Variants in INTS6 observed in about 807,000 individuals in gnomAD.
INTS6 encodes integrator complex subunit 6.
INTS6 carries 16 observed loss-of-function variants against 104.9 expected under a neutral mutation model. The observed-to-expected ratio is 0.15, with a 90% CI of 0.10 to 0.23. The LOEUF (loss-of-function observed/expected upper bound fraction) is 0.23, where lower values mean the gene tolerates loss of function less well. INTS6 is among the 10% of genes least tolerant of loss of function. The pLI, the probability that INTS6 is intolerant of heterozygous loss-of-function variation, is 1.00. For missense variants in INTS6, 584 were observed against 1,062.8 expected (o/e 0.55, Z 6.26); for synonymous variants, 324 against 358.7 (o/e 0.90, Z 1.09).
intron 7 of INTS6, chr13:51,385,007 C>T (rs1225944061): frequency 4.8e-6 from 1 of 208,046 alleles, no homozygotes; most frequent in African/African-American, 2.4e-5. Context: ...AACAGCCAAT[C>T]ACCTAAAAAT....
chr13:51,428,343 G>A (rs1247657335), intron 4 of INTS6, among the ~76,000 whole-genome samples: 1 of 62,130 alleles, frequency 1.6e-5, no homozygotes, highest in Non-Finnish European at 3.2e-5. Context: ...TTTTTTTTTT[G>A]AGACGGAGTC....
chr13:51,447,605 TC>T (rs1952944866), intron 3 of INTS6: 1 of 151,926 alleles, frequency 6.6e-6, no homozygotes, highest in South Asian at 2.1e-4. Flanking sequence ...CCATTCTAAC[TC>T]CTGGAACAAT....
chr13:51,408,459 A>G (rs145621224), intron 4 of INTS6, among the ~76,000 whole-genome samples: 1 of 152,282 alleles, frequency 6.6e-6, no homozygotes, highest in East Asian at 1.9e-4. Context: ...AGTTTTATTA[A>G]TAAGTCAGAA....
At chr13:51,357,077 T>C (rs570261953), downstream of INTS6, among the ~76,000 whole-genome samples, 203 of 152,314 alleles carry the variant, frequency 1.3e-3, no homozygotes, top group Middle Eastern at 0.014. Context: ...GCTGCTTTCC[T>C]GCTACAGCAG....
intron 10 of INTS6, among the ~76,000 whole-genome samples, chr13:51,381,471 T>C (rs1956048208): frequency 6.6e-6 from 1 of 152,100 alleles, no homozygotes; most frequent in Non-Finnish European, 1.5e-5. Context: ...CTGTATAAAT[T>C]AATGATGTTG....
chr13:51,348,859 T>C, the INTS6 span, among the ~76,000 whole-genome samples: 1 of 49,836 alleles, frequency 2.0e-5, no homozygotes. Flanking sequence ...CAAGTACAGA[T>C]AAAATTCTGA....
chr13:51,402,717 C>G (rs2137996188), intron 4 of INTS6: 1 of 152,260 alleles, frequency 6.6e-6, no homozygotes, highest in Admixed American at 6.5e-5. Flanking sequence ...CCTAGCTTCC[C>G]TTGGAGACTT....
intron 3 of INTS6, among the ~76,000 whole-genome samples, chr13:51,356,443 C>A (rs554381623): frequency 3.9e-5 from 6 of 152,300 alleles, no homozygotes; most frequent in Non-Finnish European, 8.8e-5. Context: ...CTTCTTGCAA[C>A]TCCAGAGCTC....
In INTS6 at chr13:51,387,609, A is replaced by G. The variant is rs898072328; in HGVS notation, c.740-69T>C. The G allele has an allele frequency of 6.9e-6, 8 of 1,157,316 alleles. No individual in the cohort carries two copies. The Admixed American group carries it at 1.5e-4, about 21-fold the overall frequency. 71.7% of individuals were successfully genotyped at this position (1,157,316 alleles called of 1,614,324 possible). On this transcript the variant is annotated intron_variant, in intron 6 of 17. Coordinates refer to ENST00000311234, the MANE Select transcript of INTS6 (RefSeq NM_012141.3). ...GGGGATAAGCATAAAAAGTTAAATT[A>G]TATCAATTATTACTTAAATTAATAA...
chr13:51,353,835 TATTA>T (rs1398046137), downstream of INTS6, among the ~76,000 whole-genome samples: 2 of 152,234 alleles, frequency 1.3e-5, no homozygotes, highest in Non-Finnish European at 2.9e-5. Flanking sequence ...GCAAGTTCTG[TATTA>T]TTTATAGAAA....
chr13:51,365,531 T>C lies in INTS6; in HGVS notation c.*221A>G, dbSNP rs1307407343. 1 of 289,818 alleles carries C rather than the reference T, an allele frequency of 3.5e-6. No homozygotes were observed. Among genetic ancestry groups the C allele is most frequent in the Admixed American group, 5.0e-5 (1 of 19,980 alleles). The allele number at this position is 289,818 out of a possible 1,614,324, so 18.0% of individuals were successfully genotyped here. ...GGAGGAATATTTTTAGTTTGTTAAATTAAAAATGTTTTTTAGAGTGATACT... is the reference window on the plus strand; with the variant it reads ...GGAGGAATATTTTTAGTTTGTTAAACTAAAAATGTTTTTTAGAGTGATACT... On this transcript the variant is annotated 3_prime_UTR_variant, in exon 18 of 18. Transcript: ENST00000311234.
chr13:51,391,457 T>C (rs1167792087), intron 5 of INTS6, among the ~76,000 whole-genome samples: 1 of 152,186 alleles, frequency 6.6e-6, no homozygotes, highest in African/African-American at 2.4e-5. Context: ...TTTTAAAAGT[T>C]AAACAGAAAT....
intron 3 of INTS6, among the ~76,000 whole-genome samples, chr13:51,434,367 T>C (rs1449082851): frequency 2.0e-5 from 3 of 152,040 alleles, no homozygotes; most frequent in Non-Finnish European, 4.4e-5. Flanking sequence ...AAACACAAGA[T>C]AAAATAATAA....
chr13:51,356,214 G>A (rs961809474), intron 3 of INTS6, among the ~76,000 whole-genome samples: 3 of 152,104 alleles, frequency 2.0e-5, no homozygotes, highest in Non-Finnish European at 2.9e-5. Flanking sequence ...TGGGCATTGT[G>A]TCCACAACGA....
At chr13:51,421,850 AG>A (rs1956901572) in intron 4 of INTS6, among the ~76,000 whole-genome samples, 1 of 152,104 alleles carries the variant, frequency 6.6e-6, no homozygotes, top group Non-Finnish European at 1.5e-5. Flanking sequence ...CAGTACACAG[AG>A]TAAAACACAC....
chr13:51,389,380 T>C lies in INTS6; in HGVS notation c.678A>G (p.Lys226=). The C allele has an allele frequency of 6.2e-7, 1 of 1,613,814 alleles. No individual in the cohort carries two copies. The change falls in exon 6 of 18, where the codon AAA becomes AAG. Residue 226 remains lysine, a synonymous_variant. Transcript: ENST00000311234. The part of the protein sequence containing the change: ...LNQCLESLVQ[K]VQSGVVINFE... The stretch of plus-strand genomic sequence containing the variant: ...AGTTTATTACCACCCCACTTTGTAC[T>C]TTCTGCACCAAGGACTCCAGACACT...
intron 3 of INTS6, chr13:51,436,890 GTAAT>G (rs1952700510): frequency 6.6e-6 from 1 of 152,104 alleles, no homozygotes; most frequent in South Asian, 2.1e-4. Context: ...CATATAAGGA[GTAAT>G]TAAGCTATCA....
intron 4 of INTS6, among the ~76,000 whole-genome samples, chr13:51,423,636 A>G (rs1956935229): frequency 6.6e-6 from 1 of 152,072 alleles, no homozygotes; most frequent in Non-Finnish European, 1.5e-5. Flanking sequence ...TAAAATATCA[A>G]GCAAATTAGA....
chr13:51,366,203 C>T (rs1193212187), intron 17 of INTS6, among the ~76,000 whole-genome samples: 1 of 151,966 alleles, frequency 6.6e-6, no homozygotes, highest in Non-Finnish European at 1.5e-5. Flanking sequence ...CAAGCAAATA[C>T]TTCAATAGCT....
Sources: allele counts gnomAD v4.1 joint callset (sites outside exome capture counted in the v4.1 genomes callset), GRCh38; gene constraint gnomAD v4.1.1; transcripts MANE v1.5; gene names NCBI Gene and HGNC (gene_info 2026-07-23, HGNC 2026-07-21).